HS6ST3: variants seen among roughly 807,000 people sequenced by gnomAD.
HS6ST3 encodes the protein heparan sulfate 6-O-sulfotransferase 3, also known as heparan-sulfate 6-O-sulfotransferase 3.
In HS6ST3, 12 loss-of-function variants were observed where a neutral mutation model predicts 36.7. The observed-to-expected ratio is 0.33, with a 90% CI of 0.21 to 0.53. The LOEUF (loss-of-function observed/expected upper bound fraction) is 0.53, where lower values mean the gene tolerates loss of function less well. Among genes scored for constraint, HS6ST3 ranks in the 20% least tolerant of loss-of-function variants. HS6ST3 has a pLI of 0.95. For missense variants in HS6ST3, 584 were observed against 640.9 expected (o/e 0.91, Z 0.96); for synonymous variants, 240 against 257.5 (o/e 0.93, Z 0.65).
intron 1 of HS6ST3, among the ~76,000 whole-genome samples, chr13:96,621,054 G>A (rs2056493231): frequency 1.3e-5 from 2 of 152,304 alleles, no homozygotes; most frequent in South Asian, 4.1e-4. Flanking sequence ...TTTCCTGGGA[G>A]CCGCAAGGGC....
chr13:96,730,717 G>A (rs910746717), intron 1 of HS6ST3, among the ~76,000 whole-genome samples: 2 of 151,096 alleles, frequency 1.3e-5, no homozygotes, highest in South Asian at 2.1e-4. Flanking sequence ...ACAGACACAG[G>A]CCACCAAACT....
intron 1 of HS6ST3, among the ~76,000 whole-genome samples, chr13:96,491,902 G>T (rs1464029476): frequency 1.3e-5 from 2 of 152,056 alleles, no homozygotes; most frequent in African/African-American, 2.4e-5. Flanking sequence ...TCCACCCAGA[G>T]AATGAATGGA....
At chr13:96,518,760 G>C (rs1277143319) in intron 1 of HS6ST3, among the ~76,000 whole-genome samples, 1 of 152,144 alleles carries the variant, frequency 6.6e-6, no homozygotes, top group African/African-American at 2.4e-5. Flanking sequence ...TTGTGTTCCT[G>C]TGATCAGATG....
chr13:96,164,459 A>G (rs1189021755), intron 1 of HS6ST3, among the ~76,000 whole-genome samples: 1 of 151,990 alleles, frequency 6.6e-6, no homozygotes, highest in Non-Finnish European at 1.5e-5. Context: ...CGGGAGGCTG[A>G]CGCAGGAGTA....
At chr13:96,283,255 C>T (rs527818544) in intron 1 of HS6ST3, among the ~76,000 whole-genome samples, 1 of 152,292 alleles carries the variant, frequency 6.6e-6, no homozygotes, top group East Asian at 1.9e-4. Flanking sequence ...TTATCATCCA[C>T]CTGGATTAAA....
intron 1 of HS6ST3, among the ~76,000 whole-genome samples, chr13:96,303,867 G>T (rs1398842153): frequency 6.6e-6 from 1 of 152,066 alleles, no homozygotes; most frequent in Non-Finnish European, 1.5e-5. Flanking sequence ...CTTGGGTAGG[G>T]CTCAGTGGCT....
intron 1 of HS6ST3, among the ~76,000 whole-genome samples, chr13:96,156,993 A>C (rs553822655): frequency 3.3e-5 from 5 of 152,144 alleles, no homozygotes; most frequent in African/African-American, 1.2e-4. Flanking sequence ...TCACTCCAGC[A>C]TGTGGCAGGG....
intron 1 of HS6ST3, among the ~76,000 whole-genome samples, chr13:96,637,520 T>C (rs2056554141): frequency 6.6e-6 from 1 of 152,172 alleles, no homozygotes; most frequent in African/African-American, 2.4e-5. Flanking sequence ...GATACCATCA[T>C]GCCTGAGACA....
intron 1 of HS6ST3, among the ~76,000 whole-genome samples, chr13:96,600,316 C>T (rs1307154324): frequency 3.7e-5 from 5 of 135,132 alleles, no homozygotes; most frequent in Admixed American, 8.4e-5. Context: ...AATTTGGGAG[C>T]TCTGGAGTTA....
At chr13:96,662,238 C>T (rs1174209692) in intron 1 of HS6ST3, among the ~76,000 whole-genome samples, 3 of 152,180 alleles carry the variant, frequency 2.0e-5, no homozygotes, top group African/African-American at 7.2e-5. Context: ...GCCCGTGACT[C>T]ACTGGTTTCA....
At chr13:96,438,499 C>G (rs2055654006) in intron 1 of HS6ST3, among the ~76,000 whole-genome samples, 1 of 152,176 alleles carries the variant, frequency 6.6e-6, no homozygotes, top group Non-Finnish European at 1.5e-5. Context: ...TGTTCTGTCT[C>G]TCTCTACTTG....
intron 1 of HS6ST3, among the ~76,000 whole-genome samples, chr13:96,450,329 T>C (rs1407103358): frequency 6.6e-6 from 1 of 152,216 alleles, no homozygotes; most frequent in Non-Finnish European, 1.5e-5. Context: ...TTATGATTTG[T>C]TTTGAGACTT....
rs901459634 is a variant in HS6ST3, at chr13:96,834,192, A to G, written c.*994A>G. 5 of 152,230 alleles carry G rather than the reference A, an allele frequency of 3.3e-5. No homozygotes were observed. The highest frequency in any genetic ancestry group is 4.1e-4 in the South Asian group (2 of 4,832). 9.4% of individuals were successfully genotyped at this position (152,230 alleles called of 1,614,324 possible). On this transcript the variant is annotated 3_prime_UTR_variant, in exon 2 of 2. Coordinates refer to ENST00000376705, the MANE Select transcript of HS6ST3 (RefSeq NM_153456.4). The stretch of plus-strand genomic sequence containing the variant: ...AAATTTTGCCACCACAGAAAGAAAG[A>G]TGTTTTTAAAAGCTTGGCCCAAAGA...
At chr13:96,474,785 T>C (rs2055855697) in intron 1 of HS6ST3, among the ~76,000 whole-genome samples, 1 of 152,208 alleles carries the variant, frequency 6.6e-6, no homozygotes, top group Non-Finnish European at 1.5e-5. Flanking sequence ...TTATCATCTC[T>C]ATCTAGACTA....
At chr13:96,439,785 T>C (rs1309547362) in intron 1 of HS6ST3, among the ~76,000 whole-genome samples, 1 of 152,106 alleles carries the variant, frequency 6.6e-6, no homozygotes, top group East Asian at 1.9e-4. Context: ...TTAACCAGAG[T>C]TTTAGCTGCC....
chr13:96,298,873 G>T (rs1257472727), intron 1 of HS6ST3, among the ~76,000 whole-genome samples: 1 of 151,998 alleles, frequency 6.6e-6, no homozygotes, highest in Non-Finnish European at 1.5e-5. Context: ...ATTTTATATT[G>T]CAGGAAAAAA....
intron 1 of HS6ST3, among the ~76,000 whole-genome samples, chr13:96,831,275 T>A (rs1878774064): frequency 6.6e-6 from 1 of 152,136 alleles, no homozygotes; most frequent in South Asian, 2.1e-4. Context: ...TTAGGTGGAA[T>A]TAGATAAGAT....
intron 1 of HS6ST3, among the ~76,000 whole-genome samples, chr13:96,455,942 G>A (rs2055752588): frequency 6.6e-6 from 1 of 152,174 alleles, no homozygotes; most frequent in South Asian, 2.1e-4. Context: ...AAAGCTGATG[G>A]TTAAACCTAG....
intron 1 of HS6ST3, among the ~76,000 whole-genome samples, chr13:96,247,363 G>T (rs897419142): frequency 1.3e-5 from 2 of 152,070 alleles, no homozygotes; most frequent in Non-Finnish European, 2.9e-5. Flanking sequence ...TCAAGGGAGG[G>T]ACCTTGTGGG....
Sources: allele counts gnomAD v4.1 joint callset (sites outside exome capture counted in the v4.1 genomes callset), GRCh38; gene constraint gnomAD v4.1.1; transcripts MANE v1.5; gene names NCBI Gene and HGNC (gene_info 2026-07-23, HGNC 2026-07-21).